TBC1D9: variants seen among roughly 807,000 people sequenced by gnomAD.
TBC1D9 encodes the protein TBC1 domain family member 9A.
In TBC1D9, 63 loss-of-function variants were observed where a neutral mutation model predicts 132.0. The ratio of observed to expected loss-of-function variants is 0.48; its 90% CI spans 0.39 to 0.59. The LOEUF (loss-of-function observed/expected upper bound fraction) is 0.59. Ranked by LOEUF, TBC1D9 falls within the 20% of genes least tolerant of loss-of-function variation. The pLI, the probability that TBC1D9 is intolerant of heterozygous loss-of-function variation, is 0.00. For missense variants in TBC1D9, 1,261 were observed against 1,592.7 expected, an observed-to-expected ratio of 0.79 and a Z score of 3.54; for synonymous variants, 610 against 609.9, an observed-to-expected ratio of 1.00 and a Z score of 0.00.
intron 1 of TBC1D9, among the ~76,000 whole-genome samples, 190 bp from the exon 2 acceptor site, chr4:140,701,804 G>A (rs911071303): frequency 2.0e-5 from 3 of 152,170 alleles, no homozygotes; most frequent in African/African-American, 4.8e-5. Flanking sequence ...ACAAGGTCAC[G>A]AGAAGCAGTC....
At chr4:140,639,577 T>C in intron 13 of TBC1D9, 149 bp from the exon 14 acceptor site, 2 of 594,404 alleles carry the variant, frequency 3.4e-6, no homozygotes, top group South Asian at 4.3e-5. Flanking sequence ...AGCTACTGTT[T>C]TAAAGCCACC....
intron 1 of TBC1D9, among the ~76,000 whole-genome samples, chr4:140,736,260 T>A (rs1342081101): frequency 1.3e-5 from 2 of 151,782 alleles, no homozygotes; most frequent in African/African-American, 4.8e-5. Flanking sequence ...TCAAAGGGCA[T>A]CTGGACACGA....
intron 9 of TBC1D9, among the ~76,000 whole-genome samples, chr4:140,665,282 G>A (rs1737426438): frequency 6.6e-6 from 1 of 151,962 alleles, no homozygotes; most frequent in Non-Finnish European, 1.5e-5. Context: ...TGCTTCGAAG[G>A]ATACCATCAA....
Position 140,679,847 on chromosome 4 carries a change from A to G in TBC1D9, c.361-4T>C, listed in dbSNP as rs1159623676. 3 of 1,607,432 alleles carry G rather than the reference A, an allele frequency of 1.9e-6. No homozygotes were observed. Among genetic ancestry groups the G allele is most frequent in the Admixed American group, 1.7e-5 (1 of 59,504 alleles). On this transcript the variant is annotated splice_region_variant and splice_polypyrimidine_tract_variant and intron_variant, in intron 3 of 20. Coordinates refer to ENST00000442267, the MANE Select transcript of TBC1D9 (RefSeq NM_015130.3). ...TGTTGTATTCTGCAATGATGCCCTA[A>G]TAAGGAATAAAACACAAAGCACACA... is the stretch of plus-strand genomic sequence containing the variant.
chr4:140,676,811 T>G (rs1331572556), intron 6 of TBC1D9, 83 bp downstream of exon 6: 1 of 1,530,990 alleles, frequency 6.5e-7, no homozygotes, highest in Non-Finnish European at 8.8e-7. Context: ...AAAAGCCAAT[T>G]GTTGGTAAAA....
chr4:140,623,937 C>T lies in TBC1D9; in HGVS notation c.3078+179G>A, dbSNP rs28455745. ...TTCCTCTGAGGAAGTCGTTTTTTCA[C>T]AATGGAGCATATTTTTGATGCATAA... On this transcript the variant is annotated intron_variant, in intron 20 of 20. Transcript: ENST00000442267. Among the ~76,000 whole-genome samples, 363 of 152,158 alleles carry T rather than the reference C, an allele frequency of 2.4e-3. 3 individuals are homozygous for T. Among genetic ancestry groups the T allele is most frequent in the African/African-American group, 8.3e-3 (344 of 41,510 alleles).
chr4:140,713,764 A>G (rs1738286899), intron 1 of TBC1D9, among the ~76,000 whole-genome samples: 2 of 148,100 alleles, frequency 1.4e-5, no homozygotes, highest in Non-Finnish European at 3.0e-5. Context: ...AAAAAAAACT[A>G]TATTTTTTAA....
intron 1 of TBC1D9, among the ~76,000 whole-genome samples, chr4:140,727,417 G>C (rs529336260): frequency 6.6e-6 from 1 of 152,184 alleles, no homozygotes; most frequent in Non-Finnish European, 1.5e-5. Flanking sequence ...TGGTGGCCAC[G>C]TTCAGGCTCT....
chr4:140,736,860 T>C (rs934845255), intron 1 of TBC1D9, among the ~76,000 whole-genome samples: 2 of 152,192 alleles, frequency 1.3e-5, no homozygotes, highest in African/African-American at 4.8e-5. Flanking sequence ...CACTCTTCTC[T>C]CCATTCCCCT....
chr4:140,714,754 T>C (rs1470684831), intron 1 of TBC1D9, among the ~76,000 whole-genome samples: 2 of 152,156 alleles, frequency 1.3e-5, no homozygotes, highest in Non-Finnish European at 2.9e-5. Context: ...TGGGGTAAAA[T>C]AATTTTTTCA....
At chr4:140,647,927 G>C (rs1398269088) in intron 13 of TBC1D9, among the ~76,000 whole-genome samples, 1 of 152,150 alleles carries the variant, frequency 6.6e-6, no homozygotes, top group Non-Finnish European at 1.5e-5. Flanking sequence ...TTTGGGGGGG[G>C]TCTCTCCCTC....
rs1736606889 is a variant in TBC1D9 at position 140,621,136 on chromosome 4, T to C, written c.*1059A>G. The C allele has an allele frequency of 6.5e-6, 1 of 152,674 alleles. No homozygotes were observed. Among genetic ancestry groups the C allele is most frequent in the Admixed American group, 6.5e-5 (1 of 15,280 alleles). 9.5% of individuals were successfully genotyped at this position (152,674 alleles called of 1,614,324 possible). On this transcript the variant is annotated 3_prime_UTR_variant, in exon 21 of 21. Coordinates refer to ENST00000442267, the MANE Select transcript of TBC1D9 (RefSeq NM_015130.3). Reference sequence around the variant, plus strand: ...AAATAGAGCATACTATTCTTTTATATAAAGTGACAAGTTCTGTTTTTAAAA... The same window carrying C: ...AAATAGAGCATACTATTCTTTTATACAAAGTGACAAGTTCTGTTTTTAAAA...
At chr4:140,652,244 TA>T (rs879361102) in intron 13 of TBC1D9, among the ~76,000 whole-genome samples, 4,151 of 94,576 alleles carry the variant, frequency 0.044, 118 homozygotes, top group African/African-American at 0.11. Context: ...CTGTCTCAAA[TA>T]AAAAAAAAAA....
rs1191992296 is a variant in TBC1D9 at position 140,622,106 on chromosome 4, T to C, written c.*89A>G. ...GCCAGGTACTAATAAATATTTAATT[T>C]AAAAGAAAGAAAGAAAAAACTCAAC... is the stretch of plus-strand genomic sequence containing the variant. On this transcript the variant is annotated 3_prime_UTR_variant, in exon 21 of 21. Transcript: ENST00000442267. The C allele has an allele frequency of 8.2e-6, 12 of 1,468,752 alleles. No individual in the cohort carries two copies. Among genetic ancestry groups the C allele is most frequent in the Non-Finnish European group, 9.9e-6 (11 of 1,106,122 alleles). 91.0% of individuals were successfully genotyped at this position (1,468,752 alleles called of 1,614,324 possible).
intron 15 of TBC1D9, among the ~76,000 whole-genome samples, chr4:140,637,222 C>CAG (rs763166098): frequency 5.3e-5 from 8 of 152,262 alleles, no homozygotes; most frequent in Non-Finnish European, 1.0e-4. Flanking sequence ...TGGTGGCAGG[C>CAG]ACCTGTACTC....
At chr4:140,687,343 CATAT>C (rs200090051) in intron 2 of TBC1D9, among the ~76,000 whole-genome samples, 815 of 37,444 alleles carry the variant, frequency 0.022, 12 homozygotes, top group East Asian at 0.041. Context: ...GTGTGTGTGT[CATAT>C]ATATATATAT....
At chr4:140,626,829 C>G (rs1003423142) in intron 18 of TBC1D9, among the ~76,000 whole-genome samples, 2 of 152,174 alleles carry the variant, frequency 1.3e-5, no homozygotes, top group African/African-American at 2.4e-5. Context: ...TTTAGCCACT[C>G]AATTCTGCAG....
chr4:140,718,478 T>A (rs941425971), intron 1 of TBC1D9, among the ~76,000 whole-genome samples: 2 of 152,112 alleles, frequency 1.3e-5, no homozygotes, highest in East Asian at 3.9e-4. Flanking sequence ...TTACCCCACA[T>A]AAACCCAGGG....
At chr4:140,643,143 ACCTCCCTCAGCATGTGGCTG>A in intron 13 of TBC1D9, 3 of 1,435,326 alleles carry the variant, frequency 2.1e-6, no homozygotes, top group South Asian at 2.5e-5. Flanking sequence ...CCCATCCAGC[ACCTCCCTCAGCATGTGGCTG>A]CCGGCTGCCA....
Sources: allele counts gnomAD v4.1 joint callset (sites outside exome capture counted in the v4.1 genomes callset), GRCh38; gene constraint gnomAD v4.1.1; transcripts MANE v1.5; gene names NCBI Gene and HGNC (gene_info 2026-07-23, HGNC 2026-07-21).